The following NLRP7 variants were observed in gnomAD, a reference collection of about 807,000 sequenced individuals.
NLRP7 encodes NACHT, LRR and PYD domains-containing protein 7.
A neutral mutation model predicts 85.5 loss-of-function variants in NLRP7; 72 were observed. That is an observed-to-expected ratio of 0.84 (90% CI 0.70 to 1.02). The LOEUF is 1.02. Among genes scored for constraint, NLRP7 ranks in the 50% least tolerant of loss-of-function variants. The probability of loss-of-function intolerance (pLI) is 0.00; values close to 1 mark genes in which losing one functional copy is unlikely to be tolerated. For missense variants in NLRP7, 1,243 were observed against 1,219.5 expected (o/e 1.02, Z -0.29); for synonymous variants, 550 against 505.2 (o/e 1.09, Z -1.19).
intron 6 of NLRP7, among the ~76,000 whole-genome samples, chr19:54,935,924 G>A (rs1569540053): frequency 6.6e-6 from 1 of 151,962 alleles, no homozygotes; most frequent in Non-Finnish European, 1.5e-5. Flanking sequence ...GGAAAAAACT[G>A]TCTTGTGCAA....
intron 1 of NLRP7, among the ~76,000 whole-genome samples, chr19:54,952,764 T>A (rs1056991179): frequency 6.6e-6 from 1 of 152,010 alleles, no homozygotes; most frequent in Non-Finnish European, 1.5e-5. Flanking sequence ...GTCAGAGGCG[T>A]GTAACCAGGG....
intron 1 of NLRP7, among the ~76,000 whole-genome samples, chr19:54,956,556 C>T (rs550710222): frequency 3.6e-4 from 54 of 151,588 alleles, no homozygotes; most frequent in Admixed American, 9.2e-4. Flanking sequence ...TAGCTGGGCG[C>T]GGTGGCAGGT....
chr19:54,937,243 G>A (rs1047125659), intron 5 of NLRP7, among the ~76,000 whole-genome samples: 1 of 151,114 alleles, frequency 6.6e-6, no homozygotes, highest in Non-Finnish European at 1.5e-5. Flanking sequence ...TCAAGAAGCA[G>A]AGGATCAGGA....
chr19:54,956,539 C>T (rs747819569), intron 1 of NLRP7, among the ~76,000 whole-genome samples: 2 of 149,780 alleles, frequency 1.3e-5, no homozygotes, highest in African/African-American at 2.5e-5. Flanking sequence ...AAAAAAAATA[C>T]AAAAATTAGC....
intron 9 of NLRP7, among the ~76,000 whole-genome samples, chr19:54,928,587 C>T (rs1237077961): frequency 6.6e-6 from 1 of 152,024 alleles, no homozygotes; most frequent in Admixed American, 6.6e-5. Context: ...AACAGAGAGG[C>T]ATTGATTGGC....
upstream of NLRP7, among the ~76,000 whole-genome samples, chr19:54,951,262 G>C (rs2069658903): frequency 2.6e-5 from 4 of 152,074 alleles, no homozygotes; most frequent in African/African-American, 7.2e-5. Context: ...AATATCCTTT[G>C]TAGACCAGGC....
At chr19:54,939,981 G>A in exon 4 of NLRP7, 2 of 1,614,162 alleles carry the variant, frequency 1.2e-6, no homozygotes, top group Non-Finnish European at 1.7e-6. Flanking sequence ...AGGAGGACGG[G>A]CACCGGCTTC....
chr19:54,937,661 G>A (rs1274262047), intron 5 of NLRP7, among the ~76,000 whole-genome samples: 2 of 151,540 alleles, frequency 1.3e-5, no homozygotes, highest in Non-Finnish European at 2.9e-5. Flanking sequence ...ACTTTGGAAG[G>A]CCGAGGCAGG....
At chr19:54,930,292 C>T (rs1005201312) in intron 9 of NLRP7, among the ~76,000 whole-genome samples, 3 of 151,558 alleles carry the variant, frequency 2.0e-5, no homozygotes, top group Non-Finnish European at 4.4e-5. Context: ...GATGACAAGA[C>T]CTCATCTCTA....
chr19:54,929,409 A>G (rs74616355), intron 9 of NLRP7, among the ~76,000 whole-genome samples: 2,382 of 32,812 alleles, frequency 0.073, 49 homozygotes, highest in African/African-American at 0.19. Flanking sequence ...TTTTTTCTTT[A>G]CTCTACAGCA....
intron 9 of NLRP7, among the ~76,000 whole-genome samples, chr19:54,925,917 G>A (rs1333711549): frequency 4.0e-5 from 6 of 151,532 alleles, no homozygotes; most frequent in African/African-American, 9.7e-5. Context: ...GGAGAATGGC[G>A]TGAACCCGGG....
At chr19:54,937,957 A>G (rs1261860365) in intron 5 of NLRP7, 87 bp downstream of exon 5, 1 of 1,001,710 alleles carries the variant, frequency 1.0e-6, no homozygotes, top group Non-Finnish European at 1.6e-6. Flanking sequence ...TGGAGATGAA[A>G]CAGCACATTT....
At chr19:54,953,084 A>AG (rs2069723601) in intron 1 of NLRP7, 1 of 150,808 alleles carries the variant, frequency 6.6e-6, no homozygotes, top group African/African-American at 2.5e-5. Context: ...TGCAGTAAAA[A>AG]GAAAAAAAAA....
chr19:54,936,563 T>C (rs557286853), intron 5 of NLRP7, 132 bp from the exon 6 acceptor site: 7 of 794,702 alleles, frequency 8.8e-6, no homozygotes, highest in Non-Finnish European at 1.5e-5. Context: ...GGCTCGTGTC[T>C]GTAACCCCAG....
At chr19:54,939,627 G>A (rs2069119714) in exon 4 of NLRP7, 1 of 1,610,856 alleles carries the variant, frequency 6.2e-7, no homozygotes, top group Admixed American at 1.7e-5. Flanking sequence ...CGGCTGCAGA[G>A]GAAACGCAGG....
At chr19:54,955,624 A>C (rs1400547160) in intron 1 of NLRP7, among the ~76,000 whole-genome samples, 1 of 152,128 alleles carries the variant, frequency 6.6e-6, no homozygotes, top group African/African-American at 2.4e-5. Context: ...CCCCATCTCT[A>C]CAAAAAATAC....
intron 9 of NLRP7, among the ~76,000 whole-genome samples, chr19:54,928,435 G>A (rs1047615674): frequency 6.6e-6 from 1 of 152,104 alleles, no homozygotes; most frequent in Admixed American, 6.6e-5. Context: ...ATTTGCTGGG[G>A]CTCCAGTAGT....
intron 1 of NLRP7, among the ~76,000 whole-genome samples, chr19:54,944,507 A>G (rs1171774203): frequency 6.6e-6 from 1 of 151,956 alleles, no homozygotes; most frequent in Non-Finnish European, 1.5e-5. Flanking sequence ...GATAATGACC[A>G]ATAAATACTG....
exon 5 of NLRP7, chr19:54,938,142 G>C (rs766547967): frequency 4.3e-6 from 7 of 1,614,072 alleles, no homozygotes; most frequent in Non-Finnish European, 5.9e-6. Flanking sequence ...CCAGAAACTT[G>C]AGGTTGCTGT....
Sources: allele counts gnomAD v4.1 joint callset (sites outside exome capture counted in the v4.1 genomes callset), GRCh38; gene constraint gnomAD v4.1.1; transcripts MANE v1.5; gene names NCBI Gene and HGNC (gene_info 2026-07-23, HGNC 2026-07-21).